The following ARHGAP22 variants were observed in gnomAD, a reference collection of about 807,000 sequenced individuals.
ARHGAP22 encodes the protein rho GTPase-activating protein 22.
Under a neutral mutation model 59.1 loss-of-function variants are expected in ARHGAP22, and 48 were observed. The ratio of observed to expected loss-of-function variants is 0.81; its 90% CI spans 0.64 to 1.03. The LOEUF (loss-of-function observed/expected upper bound fraction) is 1.03, where lower values mean the gene tolerates loss of function less well. Ranked by LOEUF, ARHGAP22 falls within the 50% of genes least tolerant of loss-of-function variation. The pLI, the probability that ARHGAP22 is intolerant of heterozygous loss-of-function variation, is 0.00. For missense variants in ARHGAP22, 1,015 were observed against 958.7 expected, an observed-to-expected ratio of 1.06 and a Z score of -0.78; for synonymous variants, 445 against 416.4, an observed-to-expected ratio of 1.07 and a Z score of -0.84.
intron 3 of ARHGAP22, among the ~76,000 whole-genome samples, chr10:48,494,439 G>C (rs965298180): frequency 7.9e-5 from 12 of 152,242 alleles, no homozygotes; most frequent in Admixed American, 7.8e-4. Context: ...CTGGAGGGCA[G>C]AGGGAGGCAA....
intron 3 of ARHGAP22, among the ~76,000 whole-genome samples, chr10:48,485,830 G>A (rs1487317005): frequency 6.6e-6 from 1 of 152,114 alleles, no homozygotes; most frequent in Non-Finnish European, 1.5e-5. Flanking sequence ...TTTGATTAGT[G>A]TCAGTATGAT....
intron 2 of ARHGAP22, among the ~76,000 whole-genome samples, chr10:48,568,508 A>G (rs765552544): frequency 5.9e-5 from 9 of 152,208 alleles, no homozygotes; most frequent in Non-Finnish European, 5.9e-5. Context: ...GTGGCTGCAT[A>G]AGACACTGCA....
chr10:48,455,181 G>A, intron 5 of ARHGAP22, 47 bp from the exon 6 acceptor site: 2 of 1,556,240 alleles, frequency 1.3e-6, no homozygotes, highest in Non-Finnish European at 8.7e-7. Context: ...GATGCCAGGG[G>A]ACTTCAGGGG....
chr10:48,446,769 A>G, intron 9 of ARHGAP22, 150 bp from the exon 10 acceptor site: 1 of 747,612 alleles, frequency 1.3e-6, no homozygotes. Flanking sequence ...TCCTCACAAG[A>G]ACCCCAGTAC....
At chr10:48,433,529 A>T in the ARHGAP22 span, among the ~76,000 whole-genome samples, 1 of 151,932 alleles carries the variant, frequency 6.6e-6, no homozygotes. Context: ...GGTCTAGGAG[A>T]TTATCACCTC....
chr10:48,605,861 CAA>C (rs1214302213), upstream of ARHGAP22, among the ~76,000 whole-genome samples: 2 of 152,084 alleles, frequency 1.3e-5, no homozygotes, highest in Non-Finnish European at 2.9e-5. Context: ...ATCACCTGCC[CAA>C]AGTCATACAG....
At chr10:48,515,285 G>T (rs1330944891) in intron 3 of ARHGAP22, among the ~76,000 whole-genome samples, 1 of 152,114 alleles carries the variant, frequency 6.6e-6, no homozygotes, top group Non-Finnish European at 1.5e-5. Context: ...TCTAGAGTGG[G>T]TATACAAATA....
chr10:48,521,062 G>A (rs4838612), intron 3 of ARHGAP22, among the ~76,000 whole-genome samples: 150,032 of 152,298 alleles, frequency 0.99, 73,934 homozygotes, highest in Middle Eastern at 1. Context: ...CAATACCCTC[G>A]GAGTTCAGAC....
chr10:48,611,891 C>CCCCTT, intron 1 of ARHGAP22, among the ~76,000 whole-genome samples: 1 of 108,168 alleles, frequency 9.2e-6, no homozygotes, highest in African/African-American at 3.5e-5. Flanking sequence ...CCCCTCCCGT[C>CCCCTT]CCCTTCACTT....
intron 2 of ARHGAP22, among the ~76,000 whole-genome samples, chr10:48,558,556 G>T (rs61841203): frequency 0.13 from 19,150 of 151,936 alleles, 1,595 homozygotes; most frequent in Middle Eastern, 0.27. Context: ...CAGTAGAAAC[G>T]GGGTTTCCCT....
chr10:48,584,702 T>G (rs1479539951), intron 1 of ARHGAP22, among the ~76,000 whole-genome samples: 1 of 152,204 alleles, frequency 6.6e-6, no homozygotes. Context: ...CAGTAAATAT[T>G]ACATAGTACT....
At chr10:48,479,572 CA>C (rs750156601) in intron 4 of ARHGAP22, 63 bp downstream of exon 4, 5 of 1,612,182 alleles carry the variant, frequency 3.1e-6, no homozygotes, top group Non-Finnish European at 4.2e-6. Context: ...TCAGGACAGG[CA>C]GGGGGCATGA....
At chr10:48,625,693 TACACACACACAC>T (rs56897057) in intron 1 of ARHGAP22, among the ~76,000 whole-genome samples, 37 of 138,966 alleles carry the variant, frequency 2.7e-4, no homozygotes, top group South Asian at 9.9e-4. Context: ...CTGCAACGTG[TACACACACACAC>T]ACACACACAC....
intron 2 of ARHGAP22, chr10:48,582,580 C>A (rs2059182969): frequency 7.1e-6 from 2 of 281,792 alleles, no homozygotes; most frequent in South Asian, 8.5e-5. Context: ...CAGTTTGAGG[C>A]TAGATGTGTC....
At chr10:48,504,989 G>GT (rs2051940037) in intron 3 of ARHGAP22, among the ~76,000 whole-genome samples, 1 of 152,142 alleles carries the variant, frequency 6.6e-6, no homozygotes, top group Non-Finnish European at 1.5e-5. Context: ...AGCAAGCAAT[G>GT]GGGAGAGGGG....
chr10:48,611,424 G>A (rs1322730608), intron 1 of ARHGAP22, among the ~76,000 whole-genome samples: 1 of 152,130 alleles, frequency 6.6e-6, no homozygotes, highest in Admixed American at 6.5e-5. Context: ...GAAAAGAAGG[G>A]GGGAGGTCGC....
chr10:48,524,247 C>T (rs995636844), intron 3 of ARHGAP22: 14 of 322,376 alleles, frequency 4.3e-5, no homozygotes, highest in African/African-American at 3.2e-4. Flanking sequence ...GCTCCCGGGC[C>T]CTCACACTCC....
intron 9 of ARHGAP22, among the ~76,000 whole-genome samples, chr10:48,448,281 C>A (rs1274725317): frequency 2.0e-5 from 3 of 152,206 alleles, no homozygotes; most frequent in Non-Finnish European, 2.9e-5. Context: ...GGCCCTCCAA[C>A]CTTCTACCCT....
intron 2 of ARHGAP22, among the ~76,000 whole-genome samples, chr10:48,561,000 T>A (rs1164693920): frequency 6.6e-6 from 1 of 152,154 alleles, no homozygotes; most frequent in Non-Finnish European, 1.5e-5. Flanking sequence ...ATAGGGGTAA[T>A]GCTAACCTCA....
Sources: allele counts gnomAD v4.1 joint callset (sites outside exome capture counted in the v4.1 genomes callset), GRCh38; gene constraint gnomAD v4.1.1; transcripts MANE v1.5; gene names NCBI Gene and HGNC (gene_info 2026-07-23, HGNC 2026-07-21).